INSRR: variants seen among roughly 807,000 people sequenced by gnomAD.
INSRR encodes the protein insulin receptor-related protein.
INSRR carries 114 observed loss-of-function variants against 130.0 expected under a neutral mutation model. The ratio of observed to expected loss-of-function variants is 0.88; its 90% CI spans 0.75 to 1.02. The LOEUF is 1.02. Among genes scored for constraint, INSRR ranks in the 50% least tolerant of loss-of-function variants. The pLI, the probability that INSRR is intolerant of heterozygous loss-of-function variation, is 0.00. For synonymous variants in INSRR, 674 were observed against 705.2 expected (o/e 0.96, Z 0.70); for missense variants, 1,657 against 1,735.2 (o/e 0.95, Z 0.80).
chr1:156,841,567 G>A (rs750249647), intron 20 of INSRR, 39 bp from the exon 21 acceptor site: 26 of 1,612,714 alleles, frequency 1.6e-5, no homozygotes, highest in African/African-American at 9.4e-5. Context: ...AGCACCCTTC[G>A]TGCTACTCAG....
rs747408339 is a variant in INSRR at position 156,851,378 on chromosome 1, A to G, written c.1141T>C (p.Phe381Leu). Residue 381 changes from phenylalanine to leucine, a missense_variant, in exon 5 of 22, where the codon TTC becomes CTC. Phe to Leu is a conservative substitution (Grantham distance 22). Coordinates refer to ENST00000368195, the MANE Select transcript of INSRR (RefSeq NM_014215.3). ...SLGLVETITGFLKIKHSFALV... is the reference protein window; with the variant it reads ...SLGLVETITGLLKIKHSFALV... ...GCAAAGGAGTGCTTGATTTTGAGGA[A>G]GCCAGTAATGGTTTCTACCAGCCCC... is the stretch of plus-strand genomic sequence containing the variant. 22 of 1,614,044 alleles carry G rather than the reference A, an allele frequency of 1.4e-5. No homozygotes were observed. The highest frequency in any genetic ancestry group is 1.8e-5 in the Non-Finnish European group (21 of 1,180,026).
Position 156,845,207 on chromosome 1 carries a change from C to A in INSRR, c.2306G>T (p.Arg769Leu), listed in dbSNP as rs1461335599. 1 of 1,609,644 alleles carries A rather than the reference C, an allele frequency of 6.2e-7. No homozygotes were observed. The highest frequency in any genetic ancestry group is 1.1e-5 in the South Asian group (1 of 90,350). The change falls in exon 12 of 22, where the codon CGT (arginine) becomes CTT (leucine). Residue 769 changes from arginine (R) to leucine (L), a missense_variant. Coordinates refer to ENST00000368195, the MANE Select transcript of INSRR (RefSeq NM_014215.3). ...CAGGCCGCTCAGCACCGCTCGCTCA[C>A]GGGGCACCTTGTCCTCCTGGATCTC... ...DFEIQEDKVP[R>L]ERAVLSGLRH... is the part of the protein sequence containing the mutation.
rs1655509590 is a variant in INSRR, at chr1:156,858,967, C to A, written c.-346G>T. 3.6e-6 allele frequency: 1 copy of A among 276,674 alleles called. No homozygotes were observed. The highest frequency in any genetic ancestry group is 4.4e-5 in the Admixed American group (1 of 22,890). The allele number at this position is 276,674 out of a possible 1,614,324, so 17.1% of individuals were successfully genotyped here. On this transcript the variant is annotated 5_prime_UTR_variant, in exon 1 of 22. Coordinates refer to ENST00000368195, the MANE Select transcript of INSRR (RefSeq NM_014215.3). The stretch of plus-strand genomic sequence containing the variant: ...AAGGCAGGCCGAGAGGCCAGCCAAC[C>A]CTGAGGGCGGAGCAGCAGGCTGGGG...
chr1:156,840,829 T>C lies in INSRR; in HGVS notation c.*44A>G. On this transcript the variant is annotated 3_prime_UTR_variant, in exon 22 of 22. Transcript: ENST00000368195. ...GTCTCAGCCACAGAGGTCGGGTCCC[T>C]TCCTGTCTCCCCATGGGAGGCCAGC... is the stretch of plus-strand genomic sequence containing the variant. 1.3e-6 allele frequency: 2 copies of C among 1,492,194 alleles called. No homozygotes were observed. Among genetic ancestry groups the C allele is most frequent in the Non-Finnish European group, 1.9e-6 (2 of 1,077,824 alleles). 92.4% of individuals were successfully genotyped at this position (1,492,194 alleles called of 1,614,324 possible).
intron 5 of INSRR, 53 bp from the exon 6 acceptor site, chr1:156,849,513 G>GGGT: frequency 2.1e-6 from 1 of 486,122 alleles, no homozygotes; most frequent in East Asian, 5.4e-5. Flanking sequence ...CAGGGGGTGG[G>GGGT]AAAGGGGATG....
In INSRR at chr1:156,853,900, G is replaced by A. The variant is rs140893533; in HGVS notation, c.489C>T (p.Gly163=). The A allele has an allele frequency of 1.2e-4, 189 of 1,614,118 alleles. 1 individual carries two copies. In the African/African-American group the frequency reaches 2.1e-3, roughly 18 times the overall value. The change falls in exon 2 of 22, where the codon GGC becomes GGT. Residue 163 remains glycine (G), a synonymous_variant. Transcript: ENST00000368195. ...IDWGLLQPAP[G]ANHIVGNKLG... ...GCTTGTTGCCCACGATGTGGTTGGC[G>A]CCAGGTGCTGGCTGCAGCAGTCCCC...
chr1:156,841,889 C>T (rs374119198), intron 19 of INSRR, 95 bp from the exon 20 acceptor site: 1 of 1,601,086 alleles, frequency 6.2e-7, no homozygotes, highest in South Asian at 1.1e-5. Flanking sequence ...TTCTCATCCT[C>T]CAGAGTCACC....
chr1:156,854,362 C>T lies in INSRR; in HGVS notation c.86-59G>A. On this transcript the variant is annotated intron_variant, in intron 1 of 21. Coordinates refer to ENST00000368195, the MANE Select transcript of INSRR (RefSeq NM_014215.3). This position sits in a 1 kb window ranked among gnomAD's most constrained non-coding sequence, Gnocchi z 4.2. Reference sequence around the variant, plus strand: ...AGCCCAGGCCAAATTCCCCATCCAGCCCTGGCAGCTTTGGAGGGGAGCCAC... The same window carrying T: ...AGCCCAGGCCAAATTCCCCATCCAGTCCTGGCAGCTTTGGAGGGGAGCCAC... The T allele has an allele frequency of 6.7e-7, 1 of 1,495,044 alleles. No individual in the cohort carries two copies. The highest frequency in any genetic ancestry group is 1.3e-5 in the South Asian group (1 of 77,190). The allele number at this position is 1,495,044 out of a possible 1,614,324, so 92.6% of individuals were successfully genotyped here.
chr1:156,851,755 A>G lies in INSRR; in HGVS notation c.975T>C (p.Pro325=), dbSNP rs745444487. The change falls in exon 4 of 22, where the codon CCT becomes CCC. Residue 325 remains proline, a synonymous_variant. Transcript: ENST00000368195. ...TCTTGGTGCCTACCTTGCACTCTTT[A>G]GGGCACAGCCCCTCGCACTTGTGGC... is the stretch of plus-strand genomic sequence containing the variant. ...IFCHKCEGLC[P]KECKVGTKTI... is the part of the protein sequence containing the mutation. The G allele has an allele frequency of 1.9e-6, 3 of 1,613,554 alleles. No individual in the cohort carries two copies. Among genetic ancestry groups the G allele is most frequent in the East Asian group, 2.2e-5 (1 of 44,870 alleles).
At position 156,845,955 on chromosome 1, in the gene INSRR, G is replaced by A; in HGVS notation, c.1975C>T (p.Arg659Cys). 1 of 1,611,878 alleles carries A rather than the reference G, an allele frequency of 6.2e-7. No individual in the cohort carries two copies. Among genetic ancestry groups the A allele is most frequent in the Non-Finnish European group, 8.5e-7 (1 of 1,178,984 alleles). ...CCTGCGCGTCGTCCCTGCGCACCGC[G>A]GTGGCAGTAGTCATTGAGGTAGAGG... ...GDLYLNDYCH[R>C]GLRLPTSNND... Residue 659 changes from arginine to cysteine, a missense_variant, in exon 9 of 22, where the codon CGC (arginine) becomes TGC (cysteine). Physicochemically the swap from Arg to Cys is radical, Grantham distance 180 (BLOSUM62 -3). Coordinates refer to ENST00000368195, the MANE Select transcript of INSRR (RefSeq NM_014215.3).
chr1:156,854,414 G>T lies in INSRR; in HGVS notation c.86-111C>A, dbSNP rs1655340297. ...CTGGCAGTAGGACAATGAGTGAGGAGCCGGGCTCTGCTCTGGGTGTGGGGT... is the reference window on the plus strand; with the variant it reads ...CTGGCAGTAGGACAATGAGTGAGGATCCGGGCTCTGCTCTGGGTGTGGGGT... On this transcript the variant is annotated intron_variant, in intron 1 of 21. Coordinates refer to ENST00000368195, the MANE Select transcript of INSRR (RefSeq NM_014215.3). This position sits in a 1 kb window ranked among gnomAD's most constrained non-coding sequence, Gnocchi z 4.2. 19 of 1,146,802 alleles carry T rather than the reference G, an allele frequency of 1.7e-5. No homozygotes were observed. Among genetic ancestry groups the T allele is most frequent in the South Asian group, 6.1e-5 (4 of 65,498 alleles). 71.0% of individuals were successfully genotyped at this position (1,146,802 alleles called of 1,614,324 possible). A position where few individuals can be genotyped will look rare whatever the true frequency, so the allele number is the denominator to read the frequency against.
chr1:156,844,659 G>T (rs748909306), intron 13 of INSRR, 35 bp from the exon 14 acceptor site: 2 of 1,613,910 alleles, frequency 1.2e-6, no homozygotes, highest in Admixed American at 3.3e-5. Context: ...CTGGGAAGGC[G>T]ATGTAGGCAC....
At chr1:156,846,366 G>T (rs1655008360) in intron 8 of INSRR, among the ~76,000 whole-genome samples, 153 bp downstream of exon 8, 1 of 152,140 alleles carries the variant, frequency 6.6e-6, no homozygotes, top group Admixed American at 6.5e-5. Context: ...CTAGGCAAAT[G>T]CTCCCCCTTC....
rs766624698 is a variant in INSRR at position 156,844,692 on chromosome 1, C to G, written c.2574+15G>C. On this transcript the variant is annotated intron_variant, in intron 13 of 21. Transcript: ENST00000368195. The stretch of plus-strand genomic sequence containing the variant: ...CACAAAACGGGGCTGGGACGGGGGT[C>G]CCACGGGCACCTACCTCTCCCAAGC... The G allele has an allele frequency of 1.2e-6, 2 of 1,613,908 alleles. No individual in the cohort carries two copies. The highest frequency in any genetic ancestry group is 1.7e-6 in the Non-Finnish European group (2 of 1,179,976).
At position 156,842,266 on chromosome 1, in the gene INSRR, G is replaced by T. The variant is rs758351138; in HGVS notation, c.3243C>A (p.Asn1081Lys). 5.6e-6 allele frequency: 9 copies of T among 1,613,836 alleles called. No individual in the cohort carries two copies. Among genetic ancestry groups the T allele is most frequent in the Non-Finnish European group, 7.6e-6 (9 of 1,179,974 alleles). ...LRSLRPEAEN[N>K]PGLPQPALGE... ...CCAATGCTGGCTGTGGGAGCCCAGGGTTGTTCTAGAGCCAAGATTGGGGGC... is the reference window on the plus strand; with the variant it reads ...CCAATGCTGGCTGTGGGAGCCCAGGTTTGTTCTAGAGCCAAGATTGGGGGC... Residue 1081 changes from asparagine to lysine, a missense_variant, in exon 19 of 22, where the codon AAC becomes AAA. By Grantham distance (94) the Asn-to-Lys change is moderately conservative. Transcript: ENST00000368195.
Position 156,853,922 on chromosome 1 carries a change from C to G in INSRR, c.467G>C (p.Gly156Ala). 1.2e-6 allele frequency: 2 copies of G among 1,614,080 alleles called. No homozygotes were observed. Among genetic ancestry groups the G allele is most frequent in the South Asian group, 2.2e-5 (2 of 91,058 alleles). ...GGCGCCAGGTGCTGGCTGCAGCAGT[C>G]CCCAGTCAATGGTGGAGAGGTGGCA... ...ELCHLSTIDWGLLQPAPGANH... is the reference protein window; with the variant it reads ...ELCHLSTIDWALLQPAPGANH... Residue 156 changes from glycine to alanine, a missense_variant, in exon 2 of 22, where the codon GGA (glycine) becomes GCA (alanine). Physicochemically the swap from Gly to Ala is moderately conservative, Grantham distance 60. Coordinates refer to ENST00000368195, the MANE Select transcript of INSRR (RefSeq NM_014215.3).
chr1:156,841,978 A>G, intron 19 of INSRR, 134 bp downstream of exon 19: 1 of 1,553,060 alleles, frequency 6.4e-7, no homozygotes, highest in Non-Finnish European at 8.8e-7. Flanking sequence ...ACAAGAGACT[A>G]AGATACAGGG....
At chr1:156,842,006 G>A (rs1654808708) in intron 19 of INSRR, 106 bp downstream of exon 19, 15 of 1,579,656 alleles carry the variant, frequency 9.5e-6, no homozygotes, top group Non-Finnish European at 1.3e-5. Context: ...GACTTGCCAA[G>A]GGTCTCACAG....
In INSRR at chr1:156,840,902, T is replaced by C; in HGVS notation, c.3865A>G (p.Ser1289Gly). ...PDSSPTPRDC[S>G]PQNGGPGH ...TGCCCTGGACCCCCATTTTGAGGGCTGCAGTCTCTTGGAGTGGGTGAGGAG... is the reference window on the plus strand; with the variant it reads ...TGCCCTGGACCCCCATTTTGAGGGCCGCAGTCTCTTGGAGTGGGTGAGGAG... Residue 1289 changes from serine to glycine, a missense_variant, in exon 22 of 22, where the codon AGC (serine) becomes GGC (glycine). Ser to Gly is a moderately conservative substitution (Grantham distance 56, BLOSUM62 0). Coordinates refer to ENST00000368195, the MANE Select transcript of INSRR (RefSeq NM_014215.3). The C allele has an allele frequency of 6.2e-7, 1 of 1,613,932 alleles. No homozygotes were observed. The highest frequency in any genetic ancestry group is 8.5e-7 in the Non-Finnish European group (1 of 1,179,900).
Sources: gnomAD v4.1 joint callset for allele counts (sites outside exome capture counted in the v4.1 genomes callset) on GRCh38, gnomAD v4.1.1 for gene constraint, Gnocchi (gnomAD v3.1) non-coding constraint, MANE v1.5 for transcripts, NCBI Gene and HGNC (gene_info 2026-07-23, HGNC 2026-07-21) for gene names.